Variants in DNAI2 observed in about 807,000 individuals in gnomAD.
DNAI2 encodes the protein dynein, axonemal, intermediate polypeptide 2.
DNAI2 carries 63 observed loss-of-function variants against 74.7 expected under a neutral mutation model. The observed-to-expected ratio is 0.84, with a 90% CI of 0.69 to 1.04. The LOEUF (loss-of-function observed/expected upper bound fraction) is 1.04, where lower values mean the gene tolerates loss of function less well. Among genes scored for constraint, DNAI2 ranks in the 50% least tolerant of loss-of-function variants. The pLI is 0.00. For synonymous variants in DNAI2, 289 were observed against 314.9 expected (o/e 0.92, Z 0.87); for missense variants, 688 against 803.2 (o/e 0.86, Z 1.73).
chr17:74,300,127 T>C lies in DNAI2; in HGVS notation c.864+270T>C, dbSNP rs1302001501. On this transcript the variant is annotated intron_variant, in intron 7 of 13. Transcript: ENST00000311014. This position sits in a 1 kb window ranked among gnomAD's most constrained non-coding sequence, Gnocchi z 4.5. ...CTATGCCTGGTTAATTTTTTATTTT[T>C]AGTAGAGATGGTGCTTCACTATGTT... Among the ~76,000 whole-genome samples the C allele has an allele frequency of 6.6e-6, 1 of 152,230 alleles. No homozygotes were observed. Among genetic ancestry groups the C allele is most frequent in the Non-Finnish European group, 1.5e-5 (1 of 68,044 alleles).
chr17:74,283,448 T>C (rs548601121), intron 2 of DNAI2, among the ~76,000 whole-genome samples: 97 of 150,782 alleles, frequency 6.4e-4, no homozygotes, highest in Admixed American at 1.5e-3. Flanking sequence ...TTCTACACTT[T>C]TTTTTTTTAA....
chr17:74,307,093 G>A (rs964147555), intron 9 of DNAI2: 26 of 358,822 alleles, frequency 7.2e-5, no homozygotes, highest in Non-Finnish European at 1.2e-4. Flanking sequence ...TACAGGGGTG[G>A]GAACGCTGGC....
chr17:74,278,819 A>G (rs750885565), intron 1 of DNAI2, among the ~76,000 whole-genome samples: 1 of 152,140 alleles, frequency 6.6e-6, no homozygotes, highest in Non-Finnish European at 1.5e-5. Flanking sequence ...AAGACCTACT[A>G]TTTGATAGGA....
intron 11 of DNAI2, among the ~76,000 whole-genome samples, chr17:74,311,621 A>G (rs2053532278): frequency 6.6e-6 from 1 of 152,008 alleles, no homozygotes; most frequent in Admixed American, 6.6e-5. Context: ...CTCAAAAACA[A>G]AACAAAACAA....
chr17:74,297,893 C>T (rs1024045076), intron 6 of DNAI2, among the ~76,000 whole-genome samples: 6 of 152,140 alleles, frequency 3.9e-5, no homozygotes, highest in Admixed American at 1.3e-4. Context: ...GCTGCTTCTT[C>T]GGGAGTGGGA....
chr17:74,294,567 T>C (rs1195410560), intron 6 of DNAI2, among the ~76,000 whole-genome samples: 1 of 151,676 alleles, frequency 6.6e-6, no homozygotes, highest in African/African-American at 2.4e-5. Context: ...TCTCCCACCT[T>C]GGCCTCCCAA....
At chr17:74,289,466 G>A (rs2051947681) in intron 4 of DNAI2, 128 bp from the exon 5 acceptor site, 3 of 1,187,848 alleles carry the variant, frequency 2.5e-6, no homozygotes, top group South Asian at 1.4e-5. Context: ...GGCAGAGGTT[G>A]CAGTGAGCCG....
intron 1 of DNAI2, among the ~76,000 whole-genome samples, chr17:74,278,973 C>G (rs2051243673): frequency 6.6e-6 from 1 of 152,170 alleles, no homozygotes; most frequent in Non-Finnish European, 1.5e-5. Context: ...CGAGACCATC[C>G]TGGCTAACAC....
At position 74,299,671 on chromosome 17, in the gene DNAI2, G is replaced by A. The variant is rs542647831; in HGVS notation, c.725-47G>A. ...TCCCCTGCTCCCTGCCCTAAGGAAG[G>A]AAGCCTGTGCCCCCTTCCACTCCTT... On this transcript the variant is annotated intron_variant, in intron 6 of 13. Transcript: ENST00000311014. The A allele has an allele frequency of 1.9e-6, 3 of 1,611,856 alleles. No homozygotes were observed. In the African/African-American group the frequency reaches 4.0e-5, roughly 21 times the overall value.
chr17:74,276,874 A>G (rs906875787), intron 1 of DNAI2, among the ~76,000 whole-genome samples: 2 of 152,214 alleles, frequency 1.3e-5, no homozygotes, highest in Non-Finnish European at 2.9e-5. Flanking sequence ...TAATTGCCTG[A>G]GTCCTGCAGC....
At chr17:74,311,851 C>T (rs61351092) in intron 11 of DNAI2, 152 bp from the exon 12 acceptor site, 7 of 764,418 alleles carry the variant, frequency 9.2e-6, no homozygotes, top group Non-Finnish European at 1.6e-5. Flanking sequence ...GCCCTCCTTC[C>T]TTGACACCAG....
intron 1 of DNAI2, among the ~76,000 whole-genome samples, chr17:74,279,969 C>T (rs1437985676): frequency 6.6e-6 from 1 of 152,224 alleles, no homozygotes; most frequent in East Asian, 1.9e-4. Flanking sequence ...GAGCCTTGCA[C>T]AGATCCTCAA....
chr17:74,309,187 A>C, intron 9 of DNAI2, 66 bp from the exon 10 acceptor site: 1 of 1,582,374 alleles, frequency 6.3e-7, no homozygotes, highest in Non-Finnish European at 8.7e-7. Flanking sequence ...AGAAGGGACC[A>C]AGTGAGCCAA....
intron 4 of DNAI2, among the ~76,000 whole-genome samples, chr17:74,287,377 T>C (rs977138479): frequency 6.6e-6 from 1 of 152,154 alleles, no homozygotes; most frequent in African/African-American, 2.4e-5. Context: ...TAAGTACAAG[T>C]ACCAAGCATG....
chr17:74,297,283 G>C (rs1215349217), intron 6 of DNAI2, among the ~76,000 whole-genome samples: 1 of 151,658 alleles, frequency 6.6e-6, no homozygotes, highest in African/African-American at 2.4e-5. Context: ...TAGTAGAGAC[G>C]GGGTTTCACT....
intron 4 of DNAI2, among the ~76,000 whole-genome samples, chr17:74,289,054 A>C (rs1453770721): frequency 6.6e-6 from 1 of 152,208 alleles, no homozygotes; most frequent in African/African-American, 2.4e-5. Context: ...CAGCACAGCA[A>C]GAAAGAACTC....
At position 74,285,052 on chromosome 17, in the gene DNAI2, C is replaced by A. The variant is rs371226659; in HGVS notation, c.196C>A (p.Arg66=). 11 of 1,614,054 alleles carry A rather than the reference C, an allele frequency of 6.8e-6. No individual in the cohort carries two copies. The highest frequency in any genetic ancestry group is 1.7e-5 in the Admixed American group (1 of 60,000). The change falls in exon 3 of 14, where the codon CGG becomes AGG. Residue 66 remains arginine (R), a synonymous_variant. Transcript: ENST00000311014. ...SMSEHEANSE[R]FEMETRGVNH... is the part of the protein sequence containing the mutation. ...GCTCTCTGTTTAGGCCAACTCAGAG[C>A]GGTTTGAGATGGAGACCCGGGGAGT...
chr17:74,301,928 A>AAT (rs1262348333), intron 8 of DNAI2, among the ~76,000 whole-genome samples: 2 of 20,062 alleles, frequency 1.0e-4, no homozygotes, highest in Non-Finnish European at 2.5e-4. Context: ...GGAAGGAAGG[A>AAT]AGGAAGGAAG....
chr17:74,305,319 A>G lies in DNAI2; in HGVS notation c.1088A>G (p.His363Arg). 1.2e-6 allele frequency: 2 copies of G among 1,614,218 alleles called. No homozygotes were observed. Among genetic ancestry groups the G allele is most frequent in the Non-Finnish European group, 1.7e-6 (2 of 1,180,048 alleles). ...AAGATTGTGTGCACCTTCCCGGGCC[A>G]TCATGGCCCCATCTACGCCCTCCAG... ...AEKIVCTFPG[H>R]HGPIYALQRN... Residue 363 changes from histidine (H) to arginine (R), a missense_variant, in exon 9 of 14, where the codon CAT becomes CGT. Transcript: ENST00000311014.
Sources: allele counts gnomAD v4.1 joint callset (sites outside exome capture counted in the v4.1 genomes callset), GRCh38; gene constraint gnomAD v4.1.1; non-coding constraint Gnocchi (gnomAD v3.1); transcripts MANE v1.5; gene names NCBI Gene and HGNC (gene_info 2026-07-23, HGNC 2026-07-21).